NOTCH2: variants seen among roughly 807,000 people sequenced by gnomAD.
The protein encoded by NOTCH2 is neurogenic locus notch homolog protein 2.
In NOTCH2, 29 loss-of-function variants were observed where a neutral mutation model predicts 235.8. The ratio of observed to expected loss-of-function variants is 0.12; its 90% CI spans 0.09 to 0.17. NOTCH2 has a LOEUF of 0.17. Among genes scored for constraint, NOTCH2 ranks in the 10% least tolerant of loss-of-function variants. The pLI is 1.00. For missense variants in NOTCH2, 2,285 were observed against 3,150.2 expected (o/e 0.73, Z 6.57); for synonymous variants, 1,086 against 1,141.5 (o/e 0.95, Z 0.98).
In NOTCH2 at chr1:119,914,997, G is replaced by A; in HGVS notation, c.*309C>T. The A allele has an allele frequency of 2.1e-6, 1 of 467,770 alleles. No homozygotes were observed. Among genetic ancestry groups the A allele is most frequent in the Non-Finnish European group, 3.9e-6 (1 of 253,480 alleles). 29.0% of individuals were successfully genotyped at this position (467,770 alleles called of 1,614,324 possible). A position where few individuals can be genotyped will look rare whatever the true frequency, so the allele number is the denominator to read the frequency against. On this transcript the variant is annotated 3_prime_UTR_variant, in exon 34 of 34. Transcript: ENST00000256646. ...AAAATGCAGTCCAAGCTGCAAGAAT[G>A]TCTGGGCTTCAATAAGCATCCATCT...
chr1:119,972,345 G>A (rs1553200467), intron 5 of NOTCH2, among the ~76,000 whole-genome samples: 2 of 152,168 alleles, frequency 1.3e-5, no homozygotes, highest in Non-Finnish European at 1.5e-5. Context: ...ATGAAAACAT[G>A]ACCAAGAAGT....
At chr1:119,995,854 T>C (rs1204562787) in intron 4 of NOTCH2, 3 of 152,186 alleles carry the variant, frequency 2.0e-5, no homozygotes, top group Admixed American at 6.5e-5. Context: ...AATGAATAAA[T>C]TACCAGTTGA....
intron 5 of NOTCH2, among the ~76,000 whole-genome samples, chr1:119,977,739 C>A (rs1475972214): frequency 6.6e-6 from 1 of 152,152 alleles, no homozygotes; most frequent in East Asian, 1.9e-4. Flanking sequence ...TCGGTACACA[C>A]TGAAGAAAAA....
intron 5 of NOTCH2, among the ~76,000 whole-genome samples, chr1:119,971,837 T>C (rs940207025): frequency 1.3e-5 from 2 of 152,226 alleles, no homozygotes; most frequent in African/African-American, 2.4e-5. Flanking sequence ...CTCAGTGGCA[T>C]AGCCATTCTG....
intron 2 of NOTCH2, among the ~76,000 whole-genome samples, chr1:120,006,164 G>A (rs1211209100): frequency 6.6e-6 from 1 of 151,892 alleles, no homozygotes; most frequent in Non-Finnish European, 1.5e-5. Flanking sequence ...AGTTTTCTGG[G>A]TTATGTTCAG....
At chr1:119,937,194 A>T in intron 21 of NOTCH2, 88 bp downstream of exon 21, 3 of 1,268,548 alleles carry the variant, frequency 2.4e-6, no homozygotes, top group Non-Finnish European at 3.5e-6. Flanking sequence ...AATATAAGAT[A>T]CAAGCAGCTA....
Position 119,923,744 on chromosome 1 carries a change from C to G in NOTCH2, c.4752G>C (p.Gln1584His), listed in dbSNP as rs1649366904. 9 of 1,614,160 alleles carry G rather than the reference C, an allele frequency of 5.6e-6. No individual in the cohort carries two copies. The highest frequency in any genetic ancestry group is 7.6e-6 in the Non-Finnish European group (9 of 1,180,004). The stretch of plus-strand genomic sequence containing the variant: ...AATAGGGGTACACCATGAGTTCCCC[C>G]TGGGAGTCCCGCTTAATGCGCAGGT... ...HTNLRIKRDS[Q>H]GELMVYPYYG... The change falls in exon 26 of 34, where the codon CAG becomes CAC. Residue 1584 changes from glutamine to histidine, a missense_variant. Physicochemically the swap from Gln to His is conservative, Grantham distance 24 (BLOSUM62 0). Transcript: ENST00000256646.
chr1:119,970,685 C>T (rs587616378), intron 5 of NOTCH2, among the ~76,000 whole-genome samples: 1 of 152,184 alleles, frequency 6.6e-6, no homozygotes, highest in Non-Finnish European at 1.5e-5. Context: ...CTTCAACTTA[C>T]AACCAGGAAT....
chr1:119,918,205 A>T (rs1401991253), intron 32 of NOTCH2, among the ~76,000 whole-genome samples: 1 of 152,146 alleles, frequency 6.6e-6, no homozygotes, highest in African/African-American at 2.4e-5. Context: ...CCTCATTAAA[A>T]ATCCCTCATT....
rs587682712 is a variant in NOTCH2, at chr1:119,951,529, A to G, written c.2366-692T>C. On this transcript the variant is annotated intron_variant, in intron 14 of 33. Coordinates refer to ENST00000256646, the MANE Select transcript of NOTCH2 (RefSeq NM_024408.4). ...AGGAAAAGGGATGATGTTTTTGAAT[A>G]CATTAATCAAAGCCTCTGGTTTATG... Among the ~76,000 whole-genome samples the G allele has an allele frequency of 4.6e-5, 7 of 152,340 alleles. No homozygotes were observed. The East Asian group carries it at 1.3e-3, about 29-fold the overall frequency.
At position 120,011,406 on chromosome 1, in the gene NOTCH2, G is replaced by A. The variant is rs181082459; in HGVS notation, c.156-5818C>T. 3.3e-5 allele frequency among the ~76,000 whole-genome samples: 5 copies of A among 152,212 alleles called. No homozygotes were observed. The East Asian group carries it at 9.7e-4, about 29-fold the overall frequency. On this transcript the variant is annotated intron_variant, in intron 2 of 33. Transcript: ENST00000256646. ...TTCAAGAATCTGAAGACAGTTATGT[G>A]GGCCTTTTGTTTTCTTTTTTCCAGG...
chr1:120,027,878 G>A (rs587758144), intron 2 of NOTCH2, among the ~76,000 whole-genome samples: 5 of 145,602 alleles, frequency 3.4e-5, no homozygotes, highest in African/African-American at 5.4e-5. Context: ...GTCTATCACC[G>A]TTGGGCATTT....
intron 25 of NOTCH2, among the ~76,000 whole-genome samples, chr1:119,924,509 T>A (rs950959127): frequency 1.3e-5 from 2 of 152,186 alleles, no homozygotes; most frequent in African/African-American, 4.8e-5. Context: ...TATGTCCTTA[T>A]AGCACACCAG....
At chr1:119,932,649 A>ATCTG (rs1553195308) in intron 22 of NOTCH2, among the ~76,000 whole-genome samples, 1 of 147,946 alleles carries the variant, frequency 6.8e-6, no homozygotes, top group Non-Finnish European at 1.5e-5. Context: ...CTATCTATCT[A>ATCTG]TCTCAGAGAG....
intron 3 of NOTCH2, among the ~76,000 whole-genome samples, chr1:119,999,972 AAAGAAAGGAAGGAAGG>A (rs1245924096): frequency 0.059 from 3,557 of 59,884 alleles, 85 homozygotes; most frequent in African/African-American, 0.17. Flanking sequence ...AGAAAGAAAG[AAAGAAAGGAAGGAAGG>A]AAGGAAGGAA....
At chr1:119,975,492 A>T (rs1651538621) in intron 5 of NOTCH2, among the ~76,000 whole-genome samples, 2 of 152,114 alleles carry the variant, frequency 1.3e-5, no homozygotes, top group African/African-American at 4.8e-5. Flanking sequence ...CTAAAAATAC[A>T]AAAATTAACT....
intron 1 of NOTCH2, among the ~76,000 whole-genome samples, chr1:120,063,641 T>C (rs1393023884): frequency 6.6e-6 from 1 of 152,104 alleles, no homozygotes; most frequent in African/African-American, 2.4e-5. Flanking sequence ...GGGGGAAAAA[T>C]GACCACAGGA....
At chr1:119,983,180 CTT>C (rs1419004392) in intron 5 of NOTCH2, among the ~76,000 whole-genome samples, 1 of 151,018 alleles carries the variant, frequency 6.6e-6, no homozygotes, top group Non-Finnish European at 1.5e-5. Context: ...AAAAAGATAT[CTT>C]TTTTTCCATA....
chr1:119,941,594 G>A lies in NOTCH2; in HGVS notation c.2913C>T (p.Tyr971=), dbSNP rs2101105187. The A allele has an allele frequency of 6.2e-7, 1 of 1,614,194 alleles. No individual in the cohort carries two copies. Among genetic ancestry groups the A allele is most frequent in the Non-Finnish European group, 8.5e-7 (1 of 1,180,026 alleles). The change falls in exon 18 of 34, where the codon TAC becomes TAT. Residue 971 remains tyrosine (Y), a synonymous_variant. Coordinates refer to ENST00000256646, the MANE Select transcript of NOTCH2 (RefSeq NM_024408.4). ...GGTCSDYVNS[Y]TCKCQAGFDG... ...CAAATCCTGCCTGGCACTTGCAAGTGTAACTGTTGACGTAGTCAGAGCAGG... is the reference window on the plus strand; with the variant it reads ...CAAATCCTGCCTGGCACTTGCAAGTATAACTGTTGACGTAGTCAGAGCAGG...
Sources: allele counts gnomAD v4.1 joint callset (sites outside exome capture counted in the v4.1 genomes callset), GRCh38; gene constraint gnomAD v4.1.1; transcripts MANE v1.5; gene names NCBI Gene and HGNC (gene_info 2026-07-23, HGNC 2026-07-21).